The following LRRC7 variants were observed in gnomAD, a reference collection of about 807,000 sequenced individuals.
LRRC7 encodes the protein leucine rich repeat containing 7, also known as leucine-rich repeat-containing protein 7.
In LRRC7, 23 loss-of-function variants were observed where a neutral mutation model predicts 175.7. The ratio of observed to expected loss-of-function variants is 0.13; its 90% CI spans 0.09 to 0.19. The LOEUF is 0.19. Among genes scored for constraint, LRRC7 ranks in the 10% least tolerant of loss-of-function variants. LRRC7 has a pLI of 1.00. For synonymous variants in LRRC7, 685 were observed against 680.9 expected (o/e 1.01, Z -0.09); for missense variants, 1,354 against 1,904.7 (o/e 0.71, Z 5.38).
chr1:69,855,904 C>A (rs1683552475), intron 7 of LRRC7, among the ~76,000 whole-genome samples: 2 of 152,224 alleles, frequency 1.3e-5, no homozygotes, highest in African/African-American at 2.4e-5. Flanking sequence ...CTCTTTTGAT[C>A]TTTGTTGGTT....
intron 3 of LRRC7, among the ~76,000 whole-genome samples, chr1:69,781,306 G>A (rs1467876465): frequency 6.6e-6 from 1 of 152,018 alleles, no homozygotes; most frequent in Non-Finnish European, 1.5e-5. Flanking sequence ...CAGAAAGCCT[G>A]TGAGAGACTG....
chr1:69,970,876 C>T (rs932684505), intron 8 of LRRC7, among the ~76,000 whole-genome samples: 5 of 152,034 alleles, frequency 3.3e-5, no homozygotes, highest in African/African-American at 1.2e-4. Context: ...TGCTAAAATC[C>T]TTAACGTAAT....
At chr1:69,903,169 C>A (rs61782600) in intron 7 of LRRC7, among the ~76,000 whole-genome samples, 1 of 152,158 alleles carries the variant, frequency 6.6e-6, no homozygotes, top group Non-Finnish European at 1.5e-5. Flanking sequence ...GTTGCCATTG[C>A]ACCAGAGAGC....
chr1:70,053,113 C>T lies in LRRC7; in HGVS notation c.4198C>T (p.Arg1400Trp), dbSNP rs763509973. The change falls in exon 23 of 27, where the codon CGG becomes TGG. Residue 1400 changes from arginine (R) to tryptophan (W), a missense_variant. By Grantham distance (101) the Arg-to-Trp change is moderately radical. Coordinates refer to ENST00000651989, the MANE Select transcript of LRRC7 (RefSeq NM_001370785.2). ...GQWNPYPLGR[R>W]DVPPDTITKK... The stretch of plus-strand genomic sequence containing the variant: ...ATGGAATCCTTATCCACTTGGGAGG[C>T]GGGATGTACCTCCGGACACCATTAC... 21 of 1,609,292 alleles carry T rather than the reference C, an allele frequency of 1.3e-5. No individual in the cohort carries two copies. The highest frequency in any genetic ancestry group is 2.2e-5 in the East Asian group (1 of 44,668).
chr1:69,611,579 T>C (rs900276480), intron 1 of LRRC7, among the ~76,000 whole-genome samples: 1 of 152,076 alleles, frequency 6.6e-6, no homozygotes, highest in Non-Finnish European at 1.5e-5. Context: ...GACACTTCAC[T>C]TCATACATTT....
intron 22 of LRRC7, among the ~76,000 whole-genome samples, chr1:70,044,834 A>G (rs1660203822): frequency 6.6e-6 from 1 of 152,156 alleles, no homozygotes; most frequent in Admixed American, 6.6e-5. Context: ...TCTTAGTTAC[A>G]TTTTAGTGGA....
chr1:69,619,056 G>A (rs892804615), intron 1 of LRRC7, among the ~76,000 whole-genome samples: 1 of 151,984 alleles, frequency 6.6e-6, no homozygotes, highest in Non-Finnish European at 1.5e-5. Flanking sequence ...TCTGAATCAT[G>A]TCTCAGTCCA....
At chr1:69,705,889 G>C (rs1663971297) in intron 2 of LRRC7, among the ~76,000 whole-genome samples, 1 of 152,104 alleles carries the variant, frequency 6.6e-6, no homozygotes, top group Non-Finnish European at 1.5e-5. Flanking sequence ...AGATGAGCTT[G>C]ATAGTATAAA....
chr1:69,884,793 A>G (rs1307462744), intron 7 of LRRC7, among the ~76,000 whole-genome samples: 1 of 146,526 alleles, frequency 6.8e-6, no homozygotes, highest in African/African-American at 2.6e-5. Flanking sequence ...ACGTCCCATC[A>G]ATACCTAATT....
chr1:70,080,224 T>C (rs1663104681), intron 24 of LRRC7, among the ~76,000 whole-genome samples: 1 of 152,208 alleles, frequency 6.6e-6, no homozygotes, highest in Non-Finnish European at 1.5e-5. Context: ...TTATTATTAA[T>C]GAAAACATAC....
At chr1:69,582,551 A>C (rs1646241663) in intron 1 of LRRC7, among the ~76,000 whole-genome samples, 1 of 152,206 alleles carries the variant, frequency 6.6e-6, no homozygotes, top group Non-Finnish European at 1.5e-5. Flanking sequence ...TGGCCAAAAC[A>C]AGTCACATAA....
chr1:70,037,059 C>T (rs899080396), intron 20 of LRRC7, among the ~76,000 whole-genome samples: 4 of 152,086 alleles, frequency 2.6e-5, no homozygotes, highest in African/African-American at 7.2e-5. Flanking sequence ...CTGGAAAAGT[C>T]AGGATGTATT....
At chr1:70,043,914 T>C (rs375856436) in intron 21 of LRRC7, 40 bp from the exon 22 acceptor site, 3 of 1,555,908 alleles carry the variant, frequency 1.9e-6, no homozygotes, top group Non-Finnish European at 2.6e-6. Flanking sequence ...TTGTTGAGCA[T>C]GTGTTCACAC....
intron 2 of LRRC7, among the ~76,000 whole-genome samples, chr1:69,754,641 T>A (rs1265681738): frequency 6.6e-6 from 1 of 152,038 alleles, no homozygotes; most frequent in Non-Finnish European, 1.5e-5. Context: ...GGTAATATAA[T>A]GTGCCCTGGG....
chr1:69,970,540 A>G (rs1320478674), intron 8 of LRRC7, among the ~76,000 whole-genome samples: 1 of 152,204 alleles, frequency 6.6e-6, no homozygotes, highest in Non-Finnish European at 1.5e-5. Flanking sequence ...GGAGATGGAT[A>G]AAATCCTGGG....
At chr1:69,688,645 T>A (rs4991658) in intron 2 of LRRC7, among the ~76,000 whole-genome samples, 24,088 of 148,302 alleles carry the variant, frequency 0.16, 2,076 homozygotes, top group Middle Eastern at 0.21. Flanking sequence ...TTTTTTTTTT[T>A]AAAAAAAACC....
chr1:69,941,869 A>G (rs1211578005), intron 8 of LRRC7, among the ~76,000 whole-genome samples: 1 of 152,140 alleles, frequency 6.6e-6, no homozygotes, highest in Non-Finnish European at 1.5e-5. Context: ...GAGATTATAG[A>G]AAAACAATCC....
intron 7 of LRRC7, among the ~76,000 whole-genome samples, chr1:69,889,902 T>C (rs6702362): frequency 0.41 from 61,723 of 151,546 alleles, 13,369 homozygotes; most frequent in East Asian, 0.55. Flanking sequence ...AAGAAGCAAT[T>C]TCCTGTCTGT....
Position 69,969,598 on chromosome 1 carries a change from G to A in LRRC7, c.712-10781G>A, listed in dbSNP as rs564178297. ...AAATATCACAATCCTAAATATATAC[G>A]CACCTAACACTGGAGCTCCCAAACT... On this transcript the variant is annotated intron_variant, in intron 8 of 26. Transcript: ENST00000651989. Among the ~76,000 whole-genome samples, 33 of 152,014 alleles carry A rather than the reference G, an allele frequency of 2.2e-4. No individual in the cohort carries two copies. In the South Asian group the frequency reaches 3.3e-3, roughly 15 times the overall value.
Sources: gnomAD v4.1 joint callset for allele counts (sites outside exome capture counted in the v4.1 genomes callset) on GRCh38, gnomAD v4.1.1 for gene constraint, MANE v1.5 for transcripts, NCBI Gene and HGNC (gene_info 2026-07-23, HGNC 2026-07-21) for gene names.